The following MBTD1 variants were observed in gnomAD, a reference collection of about 807,000 sequenced individuals.
MBTD1 encodes MBT domain-containing protein 1.
In MBTD1, 24 loss-of-function variants were observed where a neutral mutation model predicts 87.8. The observed-to-expected ratio is 0.27, with a 90% CI of 0.20 to 0.38. The LOEUF is 0.38. MBTD1 is among the 10% of genes least tolerant of loss of function. MBTD1 has a pLI of 1.00. For missense variants in MBTD1, 436 were observed against 760.2 expected (o/e 0.57, Z 5.02); for synonymous variants, 237 against 248.6 (o/e 0.95, Z 0.44).
chr17:51,259,264 C>A (rs985599412), intron 1 of MBTD1, 58 bp from the exon 2 acceptor site: 10 of 1,231,588 alleles, frequency 8.1e-6, no homozygotes, highest in African/African-American at 6.2e-5. Flanking sequence ...AGAAGTCCAC[C>A]GACTTGAAAC....
At chr17:51,229,960 T>A (rs1473096943) in intron 2 of MBTD1, among the ~76,000 whole-genome samples, 1 of 152,114 alleles carries the variant, frequency 6.6e-6, no homozygotes, top group Non-Finnish European at 1.5e-5. Flanking sequence ...ACCCAGCCAG[T>A]ATACTTTTTT....
rs2050154036 is a variant in MBTD1, at chr17:51,177,595, T to C, written c.*2981A>G. On this transcript the variant is annotated 3_prime_UTR_variant, in exon 17 of 17. Coordinates refer to ENST00000586178, the MANE Select transcript of MBTD1 (RefSeq NM_017643.3). Reference sequence around the variant, plus strand: ...CAAAGGAATTTTTCACGCCATTATATATACACTTCATGAGAAAGTTTCAAA... The same window carrying C: ...CAAAGGAATTTTTCACGCCATTATACATACACTTCATGAGAAAGTTTCAAA... 1 of 152,190 alleles carries C rather than the reference T, an allele frequency of 6.6e-6. No individual in the cohort carries two copies. The allele number at this position is 152,190 out of a possible 1,614,324, so 9.4% of individuals were successfully genotyped here. A position where few individuals can be genotyped will look rare whatever the true frequency, so the allele number is the denominator to read the frequency against.
intron 9 of MBTD1, 61 bp downstream of exon 9, chr17:51,203,079 A>C: frequency 7.2e-7 from 1 of 1,381,652 alleles, no homozygotes. Flanking sequence ...TTCCTTAAAA[A>C]TGTTCTCTGT....
intron 3 of MBTD1, among the ~76,000 whole-genome samples, chr17:51,223,295 G>A (rs1035588885): frequency 2.0e-5 from 3 of 152,004 alleles, no homozygotes; most frequent in African/African-American, 7.2e-5. Flanking sequence ...CACTTTGGGA[G>A]GCTGAGGCAG....
At chr17:51,220,261 C>CA in intron 4 of MBTD1, 69 bp downstream of exon 4, 1 of 1,431,364 alleles carries the variant, frequency 7.0e-7, no homozygotes, top group Non-Finnish European at 9.4e-7. Flanking sequence ...GAATCACAGT[C>CA]AAATGACAGA....
rs1293866346 is a variant in MBTD1 at position 51,259,142 on chromosome 17, C to T, written c.-49+1G>A. Reference sequence around the variant, plus strand: ...GTGTAAGCAGGGTTCAGACTACCTACCACTTGTCAGAGAGGCTGCAGAGGG... The same window carrying T: ...GTGTAAGCAGGGTTCAGACTACCTATCACTTGTCAGAGAGGCTGCAGAGGG... On this transcript the variant is annotated splice_donor_variant, in intron 2 of 16. Coordinates refer to ENST00000586178, the MANE Select transcript of MBTD1 (RefSeq NM_017643.3). LOFTEE classifies it low-confidence loss of function (5UTR_SPLICE). The T allele has an allele frequency of 3.2e-6, 2 of 620,132 alleles. No individual in the cohort carries two copies. Among genetic ancestry groups the T allele is most frequent in the Non-Finnish European group, 4.7e-6 (2 of 428,790 alleles). The allele number at this position is 620,132 out of a possible 1,614,324, so 38.4% of individuals were successfully genotyped here. A position where few individuals can be genotyped will look rare whatever the true frequency, so the allele number is the denominator to read the frequency against.
chr17:51,206,786 T>G lies in MBTD1; in HGVS notation c.604+102A>C, dbSNP rs2051868440. 8 of 761,204 alleles carry G rather than the reference T, an allele frequency of 1.1e-5. No homozygotes were observed. In the East Asian group the frequency reaches 2.1e-4, roughly 20 times the overall value. The allele number at this position is 761,204 out of a possible 1,614,324, so 47.2% of individuals were successfully genotyped here. A position where few individuals can be genotyped will look rare whatever the true frequency, so the allele number is the denominator to read the frequency against. ...ACCCCTGCCCTATATCATAACATATTTTTTATTTGGCAATACTTGCAAAAT... is the reference window on the plus strand; with the variant it reads ...ACCCCTGCCCTATATCATAACATATGTTTTATTTGGCAATACTTGCAAAAT... On this transcript the variant is annotated intron_variant, in intron 7 of 16. Transcript: ENST00000586178.
intron 2 of MBTD1, among the ~76,000 whole-genome samples, chr17:51,228,646 C>T (rs1471563461): frequency 6.6e-6 from 1 of 150,770 alleles, no homozygotes; most frequent in Non-Finnish European, 1.5e-5. Context: ...CGCGGTGGGT[C>T]ACGCCTGTAA....
intron 9 of MBTD1, 36 bp downstream of exon 9, chr17:51,203,104 A>G: frequency 6.7e-7 from 1 of 1,497,250 alleles, no homozygotes. Context: ...CTTGTTTTTT[A>G]GAGCTCTTCA....
At chr17:51,218,790 A>G in intron 5 of MBTD1, 140 bp downstream of exon 5, 1 of 583,762 alleles carries the variant, frequency 1.7e-6, no homozygotes, top group Admixed American at 2.9e-5. Flanking sequence ...CAAAACAACT[A>G]TTAGGAAGCT....
intron 2 of MBTD1, among the ~76,000 whole-genome samples, chr17:51,228,472 T>G (rs1208803309): frequency 1.3e-5 from 2 of 148,302 alleles, no homozygotes; most frequent in African/African-American, 2.5e-5. Flanking sequence ...CTCCAAGATG[T>G]TGCCTCATTC....
At chr17:51,228,194 A>G (rs758771) in intron 2 of MBTD1, among the ~76,000 whole-genome samples, 93,500 of 151,754 alleles carry the variant, frequency 0.62, 29,283 homozygotes, top group African/African-American at 0.72. Context: ...CACATAGAGG[A>G]AACAGCAGAC....
intron 2 of MBTD1, among the ~76,000 whole-genome samples, chr17:51,245,060 C>A (rs1299061535): frequency 1.3e-5 from 2 of 152,066 alleles, no homozygotes; most frequent in Non-Finnish European, 2.9e-5. Flanking sequence ...GCCACCACGC[C>A]CGGCTAATTT....
intron 2 of MBTD1, among the ~76,000 whole-genome samples, chr17:51,227,070 G>A (rs961932831): frequency 1.6e-4 from 25 of 151,914 alleles, no homozygotes; most frequent in African/African-American, 5.1e-4. Context: ...GTGAAACCCC[G>A]CCTCTACTAA....
chr17:51,251,554 A>G (rs1216299400), intron 2 of MBTD1: 1 of 152,152 alleles, frequency 6.6e-6, no homozygotes, highest in Non-Finnish European at 1.5e-5. Flanking sequence ...TACCTTGTCT[A>G]AAGCTTTCAC....
chr17:51,183,461 G>C (rs1300374650), intron 16 of MBTD1: 1 of 152,164 alleles, frequency 6.6e-6, no homozygotes, highest in Non-Finnish European at 1.5e-5. Context: ...CAAAGTGCTG[G>C]GATTACAGGC....
At chr17:51,202,101 ATC>A in intron 10 of MBTD1, 24 bp from the exon 11 acceptor site, 1 of 1,485,370 alleles carries the variant, frequency 6.7e-7, no homozygotes. Flanking sequence ...TTACACACTA[ATC>A]TGTCAGCATT....
Position 51,201,711 on chromosome 17 carries a change from G to T in MBTD1, c.1120-15C>A. ...ACTTCTTTTACCTAAAGAATTATATGAAAGCACATCTACTGTTACAAATGT... is the reference window on the plus strand; with the variant it reads ...ACTTCTTTTACCTAAAGAATTATATTAAAGCACATCTACTGTTACAAATGT... On this transcript the variant is annotated splice_polypyrimidine_tract_variant and intron_variant, in intron 11 of 16. Transcript: ENST00000586178. 7.0e-7 allele frequency: 1 copy of T among 1,435,148 alleles called. No individual in the cohort carries two copies. The highest frequency in any genetic ancestry group is 1.2e-5 in the South Asian group (1 of 85,698). 88.9% of individuals were successfully genotyped at this position (1,435,148 alleles called of 1,614,324 possible). A position where few individuals can be genotyped will look rare whatever the true frequency, so the allele number is the denominator to read the frequency against.
intron 2 of MBTD1, among the ~76,000 whole-genome samples, chr17:51,248,137 T>C (rs1235492572): frequency 6.6e-6 from 1 of 152,244 alleles, no homozygotes; most frequent in African/African-American, 2.4e-5. Flanking sequence ...TTAAATTAGC[T>C]AGTGATTCAT....
Sources: allele counts gnomAD v4.1 joint callset (sites outside exome capture counted in the v4.1 genomes callset), GRCh38; gene constraint gnomAD v4.1.1; transcripts MANE v1.5; gene names NCBI Gene and HGNC (gene_info 2026-07-23, HGNC 2026-07-21).